The following ZNF652 variants were observed in gnomAD, a reference collection of about 807,000 sequenced individuals.
The protein encoded by ZNF652 is zinc finger protein 652.
ZNF652 carries 16 observed loss-of-function variants against 45.2 expected under a neutral mutation model. The observed-to-expected ratio is 0.35, with a 90% CI of 0.24 to 0.54. ZNF652 has a LOEUF of 0.54. ZNF652 is among the 20% of genes least tolerant of loss of function. ZNF652 has a pLI of 0.91. For synonymous variants in ZNF652, 250 were observed against 260.6 expected (o/e 0.96, Z 0.39); for missense variants, 614 against 765.6 (o/e 0.80, Z 2.34).
In ZNF652 at chr17:49,317,075, T is replaced by C. The variant is rs1190744722; in HGVS notation, c.651A>G (p.Val217=). The C allele has an allele frequency of 1.9e-6, 3 of 1,614,076 alleles. No homozygotes were observed. Among genetic ancestry groups the C allele is most frequent in the Non-Finnish European group, 2.5e-6 (3 of 1,180,040 alleles). ...CCCGCTTCTTACGCTTAGGTGGCTC[T>C]ACACTCTTCCTACGACCTCTTGTAG... ...PRTTRGRRKS[V]EPPKRKKRAT... is the part of the protein sequence containing the mutation. Residue 217 remains valine (V), a synonymous_variant, in exon 2 of 6, where the codon GTA becomes GTG. Coordinates refer to ENST00000430262, the MANE Select transcript of ZNF652 (RefSeq NM_001145365.3).
rs773787416 is a variant in ZNF652 at position 49,317,517 on chromosome 17, G to A, written c.209C>T (p.Pro70Leu). Residue 70 changes from proline (P) to leucine (L), a missense_variant, in exon 2 of 6, where the codon CCG (proline) becomes CTG (leucine). This residue lies in a region of ZNF652 where 133 missense variants were observed against 132.2 expected (regional missense o/e 1.01). Transcript: ENST00000430262. ...CTGTTCTTCTGTTTCATGGAGATGC[G>A]GTTTGCTCATCTTGGTGTCCACTAA... ...SVLVDTKMSK[P>L]HLHETEEQPY... 23 of 1,614,076 alleles carry A rather than the reference G, an allele frequency of 1.4e-5. No homozygotes were observed. The highest frequency in any genetic ancestry group is 3.3e-5 in the Admixed American group (2 of 60,006).
chr17:49,335,843 AAC>A (rs562531485), intron 1 of ZNF652, among the ~76,000 whole-genome samples: 214 of 152,298 alleles, frequency 1.4e-3, no homozygotes, highest in African/African-American at 4.9e-3. Flanking sequence ...TTCTAAACAC[AAC>A]ACAGAGTCCA....
intron 1 of ZNF652, among the ~76,000 whole-genome samples, chr17:49,346,348 C>T (rs1208009439): frequency 6.6e-6 from 1 of 152,172 alleles, no homozygotes; most frequent in African/African-American, 2.4e-5. Flanking sequence ...GTCAGGACCT[C>T]GAGACCAACC....
In ZNF652 at chr17:49,292,115, A is replaced by C. The variant is rs990849597; in HGVS notation, c.*6298T>G. ...TTTAAGGAAAAGGACATGAGATTTT[A>C]AGTCAGAAAGGAAAAATGCTGACTA... On this transcript the variant is annotated 3_prime_UTR_variant, in exon 6 of 6. Transcript: ENST00000430262. Among the ~76,000 whole-genome samples the C allele has an allele frequency of 2.6e-5, 4 of 152,248 alleles. No homozygotes were observed. Among genetic ancestry groups the C allele is most frequent in the African/African-American group, 9.6e-5 (4 of 41,474 alleles).
Position 49,298,661 on chromosome 17 carries a change from T to C in ZNF652, c.1573A>G (p.Thr525Ala). 6.2e-7 allele frequency: 1 copy of C among 1,613,524 alleles called. No homozygotes were observed. The highest frequency in any genetic ancestry group is 8.5e-7 in the Non-Finnish European group (1 of 1,179,894). Residue 525 changes from threonine to alanine, a missense_variant, in exon 6 of 6, where the codon ACC becomes GCC. Thr to Ala is a moderately conservative substitution (Grantham distance 58, BLOSUM62 0). Transcript: ENST00000430262. ...TTCATATTGATTGGAGGGGTTGGGG[T>C]TGTGGCTGTGTTCACCACAGAAGGA... The part of the protein sequence containing the change: ...PVPSVVNTAT[T>A]PTPPINMNPV...
At chr17:49,306,387 C>T (rs1448709333) in intron 5 of ZNF652, among the ~76,000 whole-genome samples, 1 of 152,196 alleles carries the variant, frequency 6.6e-6, no homozygotes. Context: ...TCTCACCTAT[C>T]AAATCAGCAA....
At position 49,311,388 on chromosome 17, in the gene ZNF652, T is replaced by C; in HGVS notation, c.1233A>G (p.Lys411=). 6.2e-7 allele frequency: 1 copy of C among 1,614,140 alleles called. No homozygotes were observed. Among genetic ancestry groups the C allele is most frequent in the Non-Finnish European group, 8.5e-7 (1 of 1,179,992 alleles). Residue 411 remains lysine, a synonymous_variant, in exon 5 of 6, where the codon AAA becomes AAG. Coordinates refer to ENST00000430262, the MANE Select transcript of ZNF652 (RefSeq NM_001145365.3). The stretch of plus-strand genomic sequence containing the variant: ...TGCCACACCACTGGCACATGAACTG[T>C]TTGTGCCCAATATGAATGCTCATGT... ...RSHMSIHIGH[K]QFMCQWCGKD...
At chr17:49,335,339 C>G (rs557139177) in intron 1 of ZNF652, among the ~76,000 whole-genome samples, 3 of 152,262 alleles carry the variant, frequency 2.0e-5, no homozygotes, top group African/African-American at 7.2e-5. Context: ...TACTGCTGGG[C>G]AGGTTATTTC....
chr17:49,355,813 G>T (rs971571252), intron 1 of ZNF652, among the ~76,000 whole-genome samples: 1 of 151,878 alleles, frequency 6.6e-6, no homozygotes, highest in Non-Finnish European at 1.5e-5. Context: ...CAGGAGAATT[G>T]CCTGAACCCG....
rs115268798 is a variant in ZNF652 at position 49,356,950 on chromosome 17, C to T, written c.-259+4959G>A. Among the ~76,000 whole-genome samples the T allele has an allele frequency of 7.2e-3, 1,089 of 151,592 alleles. 19 individuals are homozygous for T. Among genetic ancestry groups the T allele is most frequent in the African/African-American group, 0.023 (945 of 41,282 alleles). ...ATGGAATAAAACTGTATACATGGCC[C>T]TAATTGCATTTACTTTTCAAGGTAA... On this transcript the variant is annotated intron_variant, in intron 1 of 5. Coordinates refer to ENST00000430262, the MANE Select transcript of ZNF652 (RefSeq NM_001145365.3).
At chr17:49,310,520 G>T (rs1460475439) in intron 5 of ZNF652, among the ~76,000 whole-genome samples, 1 of 152,144 alleles carries the variant, frequency 6.6e-6, no homozygotes, top group Non-Finnish European at 1.5e-5. Context: ...AAACCACAAA[G>T]TGGTTAAAAT....
intron 1 of ZNF652, among the ~76,000 whole-genome samples, chr17:49,339,310 CTTTTT>C (rs36110074): frequency 1.8e-5 from 2 of 110,972 alleles, no homozygotes; most frequent in African/African-American, 3.4e-5. Flanking sequence ...TCAAGTGATT[CTTTTT>C]TTTTTTTTTT....
At chr17:49,336,952 T>TG (rs1567694738) in intron 1 of ZNF652, among the ~76,000 whole-genome samples, 4 of 121,726 alleles carry the variant, frequency 3.3e-5, no homozygotes, top group East Asian at 2.4e-4. Flanking sequence ...GTTTTTTTTT[T>TG]TTTTTTTTTT....
chr17:49,351,024 C>CTGT (rs1567700344), intron 1 of ZNF652, among the ~76,000 whole-genome samples: 1,947 of 81,212 alleles, frequency 0.024, 46 homozygotes, highest in Admixed American at 0.057. Context: ...TACACACACA[C>CTGT]ACACACACAC....
At chr17:49,324,621 C>A (rs1408437085) in intron 1 of ZNF652, among the ~76,000 whole-genome samples, 6 of 151,880 alleles carry the variant, frequency 4.0e-5, no homozygotes, top group Non-Finnish European at 8.8e-5. Flanking sequence ...AACTCCTGAC[C>A]TCAGGTGATC....
intron 1 of ZNF652, among the ~76,000 whole-genome samples, chr17:49,349,993 T>C (rs2070253042): frequency 6.6e-6 from 1 of 152,184 alleles, no homozygotes; most frequent in Admixed American, 6.5e-5. Flanking sequence ...TGAACAGATA[T>C]TCAGGCTTCG....
intron 1 of ZNF652, among the ~76,000 whole-genome samples, chr17:49,340,565 A>G (rs901570597): frequency 7.9e-6 from 1 of 126,174 alleles, no homozygotes; most frequent in African/African-American, 2.8e-5. Context: ...AAAAAAAAAA[A>G]AAAAAAGAAA....
chr17:49,337,498 T>C (rs564560918), intron 1 of ZNF652, among the ~76,000 whole-genome samples: 51 of 152,270 alleles, frequency 3.3e-4, no homozygotes, highest in African/African-American at 1.2e-3. Flanking sequence ...GGAAGTATAG[T>C]TGAACACAGA....
At chr17:49,331,970 AAAAAT>A (rs1373005601) in intron 1 of ZNF652, among the ~76,000 whole-genome samples, 5 of 148,758 alleles carry the variant, frequency 3.4e-5, no homozygotes, top group Non-Finnish European at 7.4e-5. Flanking sequence ...CTTCGTCTCA[AAAAAT>A]AAAATAAAAT....
Sources: allele counts gnomAD v4.1 joint callset (sites outside exome capture counted in the v4.1 genomes callset), GRCh38; gene constraint gnomAD v4.1.1; regional missense constraint gnomAD v4.1.1; transcripts MANE v1.5; gene names NCBI Gene and HGNC (gene_info 2026-07-23, HGNC 2026-07-21).